STK33: variants seen among roughly 807,000 people sequenced by gnomAD.
The protein encoded by STK33 is serine/threonine kinase 33.
In STK33, 52 loss-of-function variants were observed where a neutral mutation model predicts 58.0. The observed-to-expected ratio is 0.90, with a 90% CI of 0.72 to 1.13. The LOEUF (loss-of-function observed/expected upper bound fraction) is 1.13. Ranked by LOEUF, STK33 falls within the 50% of genes most tolerant of loss-of-function variation. The pLI is 0.00. For synonymous variants in STK33, 215 were observed against 200.1 expected (o/e 1.07, Z -0.63); for missense variants, 630 against 604.2 (o/e 1.04, Z -0.45).
chr11:8,445,570 T>C (rs1193540598), intron 11 of STK33, among the ~76,000 whole-genome samples: 2 of 152,190 alleles, frequency 1.3e-5, no homozygotes, highest in East Asian at 1.9e-4. Flanking sequence ...ACCTAGTTTA[T>C]TGAGAGTTTT....
At chr11:8,349,509 TCATGTCCCCTTTACCA>T in the STK33 span, among the ~76,000 whole-genome samples, 1 of 152,158 alleles carries the variant, frequency 6.6e-6, no homozygotes, top group Non-Finnish European at 1.5e-5. Flanking sequence ...CCCAGTACCC[TCATGTCCCCTTTACCA>T]TTTCTGTGAG....
chr11:8,508,671 A>G (rs67257872), intron 1 of STK33, among the ~76,000 whole-genome samples: 78,174 of 151,982 alleles, frequency 0.51, 20,399 homozygotes, highest in African/African-American at 0.61. Context: ...AATGGTCATG[A>G]TCCAAAGTTT....
chr11:8,502,815 C>A (rs1214111726), intron 1 of STK33, among the ~76,000 whole-genome samples: 2 of 152,074 alleles, frequency 1.3e-5, no homozygotes, highest in African/African-American at 2.4e-5. Context: ...AAAAAGTGGG[C>A]AAAGGACATG....
the STK33 span, among the ~76,000 whole-genome samples, chr11:8,372,577 G>A: frequency 6.6e-6 from 1 of 152,262 alleles, no homozygotes; most frequent in Non-Finnish European, 1.5e-5. Flanking sequence ...TGAACCTTTG[G>A]CGCTTAGACT....
the STK33 span, among the ~76,000 whole-genome samples, chr11:8,354,126 C>A: frequency 6.6e-6 from 1 of 152,102 alleles, no homozygotes. Flanking sequence ...CAAGGTGAGC[C>A]GCCAAGATGA....
intron 14 of STK33, 94 bp downstream of exon 14, chr11:8,435,397 TGAC>T (rs1943940674): frequency 1.7e-6 from 1 of 596,664 alleles, no homozygotes; most frequent in Non-Finnish European, 2.5e-6. Flanking sequence ...TCAAACTAAT[TGAC>T]TGTTTTAAGA....
the STK33 span, among the ~76,000 whole-genome samples, chr11:8,362,101 C>T: frequency 1.3e-5 from 2 of 152,182 alleles, no homozygotes; most frequent in South Asian, 2.1e-4. Context: ...CAAACTCTGG[C>T]TCTGACTGTT....
intron 8 of STK33, among the ~76,000 whole-genome samples, chr11:8,457,963 T>C (rs1268881334): frequency 1.3e-5 from 2 of 152,020 alleles, no homozygotes; most frequent in Admixed American, 1.3e-4. Flanking sequence ...AACAATGAAG[T>C]GGTGAGGAGT....
intron 8 of STK33, 78 bp downstream of exon 8, chr11:8,461,726 AG>A: frequency 8.5e-7 from 1 of 1,170,112 alleles, no homozygotes; most frequent in Non-Finnish European, 1.2e-6. Context: ...TGTGCCCCAA[AG>A]GGATTATTTC....
At chr11:8,515,477 AT>A (rs1269136037) in intron 1 of STK33, among the ~76,000 whole-genome samples, 8 of 152,214 alleles carry the variant, frequency 5.3e-5, no homozygotes, top group South Asian at 2.1e-4. Context: ...TTCCAAATTC[AT>A]TTTATAAGAG....
intron 1 of STK33, among the ~76,000 whole-genome samples, chr11:8,556,366 C>A (rs1285544077): frequency 1.3e-5 from 2 of 152,148 alleles, no homozygotes; most frequent in African/African-American, 4.8e-5. Context: ...TGCAGGAATT[C>A]AGGAATTCAT....
chr11:8,400,300 C>T (rs1395289843), intron 15 of STK33, among the ~76,000 whole-genome samples: 3 of 152,186 alleles, frequency 2.0e-5, no homozygotes, highest in South Asian at 4.1e-4. Context: ...CCCTGGGATG[C>T]AAGGCTGGTT....
At chr11:8,511,233 T>G (rs946722671) in intron 1 of STK33, among the ~76,000 whole-genome samples, 1 of 152,166 alleles carries the variant, frequency 6.6e-6, no homozygotes, top group African/African-American at 2.4e-5. Flanking sequence ...TCCTAATTAT[T>G]TTATTATTTT....
At chr11:8,520,936 G>T (rs994832314) in intron 1 of STK33, among the ~76,000 whole-genome samples, 1 of 151,148 alleles carries the variant, frequency 6.6e-6, no homozygotes, top group Non-Finnish European at 1.5e-5. Flanking sequence ...AATTTATAAC[G>T]ATAATAAATG....
intron 11 of STK33, among the ~76,000 whole-genome samples, chr11:8,447,127 A>G (rs1236381970): frequency 6.6e-6 from 1 of 152,044 alleles, no homozygotes; most frequent in Non-Finnish European, 1.5e-5. Context: ...AGAAAAGAAC[A>G]ACCCCATCAA....
chr11:8,336,554 G>A, the STK33 span, among the ~76,000 whole-genome samples: 7 of 152,196 alleles, frequency 4.6e-5, no homozygotes, highest in Non-Finnish European at 8.8e-5. Context: ...GTGAACAGCC[G>A]AGGTAAGGAA....
intron 1 of STK33, among the ~76,000 whole-genome samples, chr11:8,494,159 T>C (rs1591473252): frequency 6.6e-6 from 1 of 152,320 alleles, no homozygotes; most frequent in Non-Finnish European, 1.5e-5. Context: ...AGTCAAATTG[T>C]CCCTGTTTGC....
At position 8,574,320 on chromosome 11, in the gene STK33, T is replaced by G. The variant is rs570011869; in HGVS notation, c.-466+19763A>C. On this transcript the variant is annotated intron_variant, in intron 1 of 15. Transcript: ENST00000687296. ...AGATATTAATATTGAGGGAGGATGGTTGAAGCGTGCTCAGAGTCTCCCTGT... is the reference window on the plus strand; with the variant it reads ...AGATATTAATATTGAGGGAGGATGGGTGAAGCGTGCTCAGAGTCTCCCTGT... Among the ~76,000 whole-genome samples the G allele has an allele frequency of 1.9e-4, 29 of 152,322 alleles. No individual in the cohort carries two copies. The South Asian group carries it at 6.0e-3, about 32-fold the overall frequency.
At chr11:8,519,493 G>A (rs1953171139) in intron 1 of STK33, among the ~76,000 whole-genome samples, 1 of 152,144 alleles carries the variant, frequency 6.6e-6, no homozygotes, top group South Asian at 2.1e-4. Context: ...ACTAAGATCA[G>A]AGCAGAACTG....
Sources: allele counts gnomAD v4.1 joint callset (sites outside exome capture counted in the v4.1 genomes callset), GRCh38; gene constraint gnomAD v4.1.1; transcripts MANE v1.5; gene names NCBI Gene and HGNC (gene_info 2026-07-23, HGNC 2026-07-21).